The following BICRAL variants were observed in gnomAD, a reference collection of about 807,000 sequenced individuals.
The protein encoded by BICRAL is BRD4-interacting chromatin-remodeling complex-associated protein-like.
Under a neutral mutation model 91.8 loss-of-function variants are expected in BICRAL, and 8 were observed. That is an observed-to-expected ratio of 0.09 (90% CI 0.05 to 0.16). BICRAL has a LOEUF of 0.16. Among genes scored for constraint, BICRAL ranks in the 10% least tolerant of loss-of-function variants. The pLI, the probability that BICRAL is intolerant of heterozygous loss-of-function variation, is 1.00. For missense variants in BICRAL, 1,038 were observed against 1,310.9 expected, an observed-to-expected ratio of 0.79 and a Z score of 3.21; for synonymous variants, 445 against 491.1, an observed-to-expected ratio of 0.91 and a Z score of 1.24.
chr6:42,783,775 G>T (rs1417124791), intron 1 of BICRAL, among the ~76,000 whole-genome samples: 1 of 152,234 alleles, frequency 6.6e-6, no homozygotes, highest in Non-Finnish European at 1.5e-5. Context: ...CCTCGCGGCT[G>T]ATGGGTTCCC....
At chr6:42,813,457 A>G (rs1036835502) in intron 2 of BICRAL, among the ~76,000 whole-genome samples, 6 of 152,314 alleles carry the variant, frequency 3.9e-5, no homozygotes, top group Middle Eastern at 3.4e-3. Context: ...GAAAGGAAAA[A>G]AACTCATCAA....
chr6:42,767,622 A>T (rs1206784464), intron 1 of BICRAL, among the ~76,000 whole-genome samples: 1 of 152,252 alleles, frequency 6.6e-6, no homozygotes. Context: ...TATTGATGCA[A>T]GCTACTGTAG....
At chr6:42,837,751 CAAA>C (rs778479605) in intron 6 of BICRAL, among the ~76,000 whole-genome samples, 1 of 108,058 alleles carries the variant, frequency 9.3e-6, no homozygotes, top group African/African-American at 3.4e-5. Flanking sequence ...GACTCCATCT[CAAA>C]AAAAAAAAAA....
intron 11 of BICRAL, among the ~76,000 whole-genome samples, chr6:42,861,199 A>G (rs540537213): frequency 6.6e-6 from 1 of 152,308 alleles, no homozygotes; most frequent in Admixed American, 6.5e-5. Context: ...AGCCTGGCCA[A>G]CATGGTGAAA....
rs1039472939 is a variant in BICRAL at position 42,866,895 on chromosome 6, T to C, written c.*1449T>C. The C allele has an allele frequency of 3.9e-5, 18 of 455,896 alleles. No individual in the cohort carries two copies. Among genetic ancestry groups the C allele is most frequent in the African/African-American group, 3.4e-4 (17 of 50,060 alleles). The allele number at this position is 455,896 out of a possible 1,614,324, so 28.2% of individuals were successfully genotyped here. On this transcript the variant is annotated 3_prime_UTR_variant, in exon 13 of 13. Coordinates refer to ENST00000314073, the MANE Select transcript of BICRAL (RefSeq NM_001393499.1). ...TCCTCTCATTGGGAAAGCTACATGA[T>C]AGTATTTTTATGCACTCTTCTCCCA...
At chr6:42,806,640 G>T (rs1763716904) in intron 1 of BICRAL, among the ~76,000 whole-genome samples, 1 of 151,592 alleles carries the variant, frequency 6.6e-6, no homozygotes, top group Admixed American at 6.6e-5. Flanking sequence ...AGCCTCCCAT[G>T]TAGCTGGGAC....
intron 6 of BICRAL, among the ~76,000 whole-genome samples, chr6:42,843,072 G>C (rs1764854269): frequency 6.6e-6 from 1 of 152,066 alleles, no homozygotes; most frequent in African/African-American, 2.4e-5. Context: ...AGCCAGGCTG[G>C]TCTCGAACTC....
intron 1 of BICRAL, among the ~76,000 whole-genome samples, chr6:42,749,581 G>C (rs1387416689): frequency 6.6e-6 from 1 of 152,062 alleles, no homozygotes; most frequent in South Asian, 2.1e-4. Context: ...TGAAGTAATA[G>C]ATATCCCAAT....
At position 42,853,696 on chromosome 6, in the gene BICRAL, G is replaced by A; in HGVS notation, c.2004G>A (p.Gln668=). The A allele has an allele frequency of 6.2e-7, 1 of 1,614,060 alleles. No homozygotes were observed. Among genetic ancestry groups the A allele is most frequent in the Non-Finnish European group, 8.5e-7 (1 of 1,179,894 alleles). The change falls in exon 8 of 13, where the codon CAG becomes CAA. Residue 668 remains glutamine (Q), a synonymous_variant. Transcript: ENST00000314073. ...CCTTAGGAACCGCACAACCACAGCAGGAAAAAGTAGTTGGATCATCTCCTG... is the reference window on the plus strand; with the variant it reads ...CCTTAGGAACCGCACAACCACAGCAAGAAAAAGTAGTTGGATCATCTCCTG... ...SASLGTAQPQ[Q]EKVVGSSPGH...
In BICRAL at chr6:42,822,821, C is replaced by T. The variant is rs755532791; in HGVS notation, c.67C>T (p.Leu23=). 6.4e-7 allele frequency: 1 copy of T among 1,568,740 alleles called. No individual in the cohort carries two copies. Among genetic ancestry groups the T allele is most frequent in the East Asian group, 2.2e-5 (1 of 44,544 alleles). ...IGDPQALNYF[L]HGPSNKSSND... is the part of the protein sequence containing the mutation. ...AGACCCACAAGCATTGAACTATTTT[C>T]TACATGGACCTAGTAATAAATCTGT... is the stretch of plus-strand genomic sequence containing the variant. The change falls in exon 4 of 13, where the codon CTA becomes TTA. Residue 23 remains leucine (L), a synonymous_variant. Coordinates refer to ENST00000314073, the MANE Select transcript of BICRAL (RefSeq NM_001393499.1).
rs543969078 is a variant in BICRAL, at chr6:42,856,739, C to T, written c.2109-352C>T. 3.3e-5 allele frequency among the ~76,000 whole-genome samples: 5 copies of T among 152,158 alleles called. No individual in the cohort carries two copies. The East Asian group carries it at 9.7e-4, about 29-fold the overall frequency. Reference sequence around the variant, plus strand: ...TAAGGAGAATAGTTCTTTGTCTTTTCAGAGACAAAGAATCTCTGAGGAAAA... The same window carrying T: ...TAAGGAGAATAGTTCTTTGTCTTTTTAGAGACAAAGAATCTCTGAGGAAAA... On this transcript the variant is annotated intron_variant, in intron 9 of 12. Coordinates refer to ENST00000314073, the MANE Select transcript of BICRAL (RefSeq NM_001393499.1).
chr6:42,762,006 G>A (rs1363090563), intron 1 of BICRAL, among the ~76,000 whole-genome samples: 1 of 152,158 alleles, frequency 6.6e-6, no homozygotes, highest in African/African-American at 2.4e-5. Context: ...ATTGGGCCAG[G>A]CCTACAGTAG....
Position 42,828,499 on chromosome 6 carries a change from G to A in BICRAL, c.166G>A (p.Asp56Asn). 1 of 1,608,884 alleles carries A rather than the reference G, an allele frequency of 6.2e-7. No homozygotes were observed. The highest frequency in any genetic ancestry group is 8.5e-7 in the Non-Finnish European group (1 of 1,177,942). The change falls in exon 6 of 13, where the codon GAT becomes AAT. Residue 56 changes from aspartate (D) to asparagine (N), a missense_variant. This residue lies in a region of BICRAL where 115 missense variants were observed against 121.5 expected (regional missense o/e 0.95). Transcript: ENST00000314073. ...NSIFANSSNA[D>N]PKSSLKGVSN... ...ATACTGTTTATTTTTTTAGAATGCT[G>A]ATCCTAAGTCATCCCTCAAAGGTGT...
chr6:42,757,214 G>A (rs1762475223), intron 1 of BICRAL, among the ~76,000 whole-genome samples: 2 of 151,744 alleles, frequency 1.3e-5, no homozygotes, highest in African/African-American at 4.8e-5. Context: ...CCATCTTTGT[G>A]CAGATAATCT....
chr6:42,845,164 G>A (rs1370953791), intron 6 of BICRAL, among the ~76,000 whole-genome samples: 1 of 129,188 alleles, frequency 7.7e-6, no homozygotes, highest in South Asian at 2.5e-4. Context: ...GGTATCCTTC[G>A]GCTGCCTTCT....
At chr6:42,795,259 C>T (rs984312745) in intron 1 of BICRAL, among the ~76,000 whole-genome samples, 1 of 152,212 alleles carries the variant, frequency 6.6e-6, no homozygotes, top group South Asian at 2.1e-4. Flanking sequence ...GGCGAGACCC[C>T]GTCTCTACTA....
intron 5 of BICRAL, among the ~76,000 whole-genome samples, chr6:42,827,872 G>A (rs1764347919): frequency 6.6e-6 from 1 of 152,050 alleles, no homozygotes; most frequent in Non-Finnish European, 1.5e-5. Context: ...GCAAAAGATC[G>A]AGACCCCAGA....
At chr6:42,759,075 G>A (rs1762504937) in intron 1 of BICRAL, among the ~76,000 whole-genome samples, 1 of 152,206 alleles carries the variant, frequency 6.6e-6, no homozygotes, top group Non-Finnish European at 1.5e-5. Flanking sequence ...GAATCTCTGG[G>A]AGTGGGGCCT....
rs1764293715 is a variant in BICRAL at position 42,826,093 on chromosome 6, A to T, written c.160-2400A>T. On this transcript the variant is annotated intron_variant, in intron 5 of 12. Transcript: ENST00000314073. Reference sequence around the variant, plus strand: ...AGTGAGACTCTTGTCTCAGGGGAAAAAAGAAAAAAAGATACATATTTTAGA... The same window carrying T: ...AGTGAGACTCTTGTCTCAGGGGAAATAAGAAAAAAAGATACATATTTTAGA... Among the ~76,000 whole-genome samples, 5 of 139,036 alleles carry T rather than the reference A, an allele frequency of 3.6e-5. No individual in the cohort carries two copies. In the Admixed American group the frequency reaches 3.6e-4, roughly 10 times the overall value. The allele number at this position is 139,036 out of a possible 152,430, so 91.2% of individuals were successfully genotyped here. A position where few individuals can be genotyped will look rare whatever the true frequency, so the allele number is the denominator to read the frequency against.
Sources: allele counts gnomAD v4.1 joint callset (sites outside exome capture counted in the v4.1 genomes callset), GRCh38; gene constraint gnomAD v4.1.1; regional missense constraint gnomAD v4.1.1; transcripts MANE v1.5; gene names NCBI Gene and HGNC (gene_info 2026-07-23, HGNC 2026-07-21).